The following HOXB8 variants were observed in gnomAD, a reference collection of about 807,000 sequenced individuals.
The protein encoded by HOXB8 is homeobox protein Hox-B8.
In HOXB8, 17 loss-of-function variants were observed where a neutral mutation model predicts 22.2. The observed-to-expected ratio is 0.77, with a 90% confidence interval of 0.53 to 1.15. The LOEUF (loss-of-function observed/expected upper bound fraction) is 1.15. HOXB8 is among the 50% of genes most tolerant of loss of function. The pLI, the probability that HOXB8 is intolerant of heterozygous loss-of-function variation, is 0.00. For synonymous variants in HOXB8, 156 were observed against 144.6 expected, an observed-to-expected ratio of 1.08 and a Z score of -0.57; for missense variants, 287 against 323.8, an observed-to-expected ratio of 0.89 and a Z score of 0.87.
Position 48,614,119 on chromosome 17 carries a change from AAAG to A in HOXB8, c.424+159_424+161del, listed in dbSNP as rs1313790032. On this transcript the variant is annotated intron_variant, in intron 1 of 1. Coordinates refer to ENST00000239144, the MANE Select transcript of HOXB8 (RefSeq NM_024016.4). This position sits in a 1 kb window ranked among gnomAD's most constrained non-coding sequence, Gnocchi z 4.1. ...AGCGACCCCCTTCAAGGGAAAGAAA[AAAG>A]AAAGAAGAAAGAAAGATAAGAAAGA... is the stretch of plus-strand genomic sequence containing the variant. Among the ~76,000 whole-genome samples the A allele has an allele frequency of 1.3e-5, 2 of 152,206 alleles. No individual in the cohort carries two copies. The highest frequency in any genetic ancestry group is 3.8e-4 in the East Asian group (2 of 5,196).
Position 48,614,271 on chromosome 17 carries a change from G to A in HOXB8, c.424+10C>T, listed in dbSNP as rs781223185. 8 of 1,490,044 alleles carry A rather than the reference G, an allele frequency of 5.4e-6. No individual in the cohort carries two copies. The highest frequency in any genetic ancestry group is 1.4e-5 in the African/African-American group (1 of 71,228). The allele number at this position is 1,490,044 out of a possible 1,614,324, so 92.3% of individuals were successfully genotyped here. On this transcript the variant is annotated intron_variant, in intron 1 of 1. Coordinates refer to ENST00000239144, the MANE Select transcript of HOXB8 (RefSeq NM_024016.4). This position sits in a 1 kb window ranked among gnomAD's most constrained non-coding sequence, Gnocchi z 4.1. ...CCCTCCTGCCCTTGTCGGCCCCGAG[G>A]CGAGCTCACCTTGCGGGCGCATCCA...
Position 48,613,255 on chromosome 17 carries a change from G to C in HOXB8, c.679C>G (p.Arg227Gly), listed in dbSNP as rs373819933. Residue 227 changes from arginine (R) to glycine (G), a missense_variant, in exon 2 of 2, where the codon CGG becomes GGG. Transcript: ENST00000239144. The stretch of plus-strand genomic sequence containing the variant: ...CCCTCGTCCGCCGCCTCTGGGGCCC[G>C]CTCCAGCTTCTGTTTCTCCAGCTCC... ...QEELEKQKLE[R>G]APEAADEGDA... The C allele has an allele frequency of 6.2e-7, 1 of 1,613,568 alleles. No individual in the cohort carries two copies. Among genetic ancestry groups the C allele is most frequent in the Non-Finnish European group, 8.5e-7 (1 of 1,179,684 alleles).
intron 1 of HOXB8, 133 bp from the exon 2 acceptor site, chr17:48,613,642 G>A (rs1254195810): frequency 1.7e-6 from 1 of 574,730 alleles, no homozygotes; most frequent in Non-Finnish European, 2.8e-6. Context: ...TCTACCCCGT[G>A]CGGGGGCGGG....
In HOXB8 at chr17:48,612,504, T is replaced by C. The variant is rs967456239; in HGVS notation, c.*698A>G. The C allele has an allele frequency of 3.4e-5, 5 of 148,040 alleles. No homozygotes were observed. The highest frequency in any genetic ancestry group is 2.0e-4 in the Admixed American group (3 of 14,920). The allele number at this position is 148,040 out of a possible 1,614,324, so 9.2% of individuals were successfully genotyped here. On this transcript the variant is annotated 3_prime_UTR_variant, in exon 2 of 2. Coordinates refer to ENST00000239144, the MANE Select transcript of HOXB8 (RefSeq NM_024016.4). ...GAATACATTCTCTTCACAGTAAACC[T>C]AAGAACACTTGTAACAATTGCCCAC...
Position 48,613,497 on chromosome 17 carries a change from C to G in HOXB8, c.437G>C (p.Arg146Pro), listed in dbSNP as rs1489129287. Residue 146 changes from arginine (R) to proline (P), a missense_variant, in exon 2 of 2, where the codon CGC becomes CCC. Around this residue, in one of 3 missense-constraint regions of HOXB8, gnomAD observed 229 missense variants for 239.8 expected, o/e 0.95. Transcript: ENST00000239144. ...PWMRPQAAAGRRRGRQTYSRY... is the reference protein window; with the variant it reads ...PWMRPQAAAGPRRGRQTYSRY... ...GCTGTAGGTCTGTCGGCCTCGCCTG[C>G]GTCCGGCGGCTGCTGGGAATGGGGG... is the stretch of plus-strand genomic sequence containing the variant. 2 of 1,303,720 alleles carry G rather than the reference C, an allele frequency of 1.5e-6. No homozygotes were observed. Among genetic ancestry groups the G allele is most frequent in the Non-Finnish European group, 2.0e-6 (2 of 986,206 alleles). 80.8% of individuals were successfully genotyped at this position (1,303,720 alleles called of 1,614,324 possible).
rs140231017 is a variant in HOXB8 at position 48,612,725 on chromosome 17, C to CGA, written c.*475_*476dup. 0.16 allele frequency: 23,648 copies of CGA among 144,600 alleles called. 1,984 individuals carry two copies. The highest frequency in any genetic ancestry group is 0.24 in the East Asian group (1,201 of 5,042). The allele number at this position is 144,600 out of a possible 1,614,324, so 9.0% of individuals were successfully genotyped here. On this transcript the variant is annotated 3_prime_UTR_variant, in exon 2 of 2. Coordinates refer to ENST00000239144, the MANE Select transcript of HOXB8 (RefSeq NM_024016.4). ...GAGAGCGAGAGCGAGAGCGAGCGAGCGAGAGAGAGAGAGAGAAGGGAGACA... is the reference window on the plus strand; with the variant it reads ...GAGAGCGAGAGCGAGAGCGAGCGAGCGAGAGAGAGAGAGAGAGAAGGGAGACA...
Position 48,612,993 on chromosome 17 carries a change from A to C in HOXB8, c.*209T>G. ...TCCCCCCGGCCCCCAAGAGAAGGGA[A>C]GGAGATCCACGGTAGCTCACACACA... is the stretch of plus-strand genomic sequence containing the variant. On this transcript the variant is annotated 3_prime_UTR_variant, in exon 2 of 2. Transcript: ENST00000239144. The C allele has an allele frequency of 1.4e-5, 3 of 210,880 alleles. No homozygotes were observed. The highest frequency in any genetic ancestry group is 2.8e-5 in the Non-Finnish European group (3 of 108,706). 13.1% of individuals were successfully genotyped at this position (210,880 alleles called of 1,614,324 possible).
rs1372651981 is a variant in HOXB8, at chr17:48,614,737, A to T, written c.-33T>A. The T allele has an allele frequency of 4.1e-6, 2 of 488,252 alleles. No homozygotes were observed. The highest frequency in any genetic ancestry group is 4.9e-6 in the Non-Finnish European group (2 of 410,132). 30.2% of individuals were successfully genotyped at this position (488,252 alleles called of 1,614,324 possible). ...AATTTTGAGGCGGCGGCGGCGGCGG[A>T]GGCTATAGTTGGGGGCTGTTGGGGA... On this transcript the variant is annotated 5_prime_UTR_variant, in exon 1 of 2. Coordinates refer to ENST00000239144, the MANE Select transcript of HOXB8 (RefSeq NM_024016.4). This position sits in a 1 kb window ranked among gnomAD's most constrained non-coding sequence, Gnocchi z 4.1.
At position 48,613,277 on chromosome 17, in the gene HOXB8, C is replaced by A. The variant is rs1255603602; in HGVS notation, c.657G>T (p.Glu219Asp). 1.2e-6 allele frequency: 2 copies of A among 1,614,042 alleles called. No individual in the cohort carries two copies. Among genetic ancestry groups the A allele is most frequent in the Non-Finnish European group, 8.5e-7 (1 of 1,179,948 alleles). The change falls in exon 2 of 2, where the codon GAG becomes GAT. Residue 219 changes from glutamate (E) to aspartate (D), a missense_variant. Physicochemically the swap from Glu to Asp is conservative, Grantham distance 45 (BLOSUM62 2). Around this residue, in one of 3 missense-constraint regions of HOXB8, gnomAD observed 52 missense variants for 54.8 expected, o/e 0.95. Coordinates refer to ENST00000239144, the MANE Select transcript of HOXB8 (RefSeq NM_024016.4). ...KFPSSKCEQE[E>D]LEKQKLERAP... ...CCCGCTCCAGCTTCTGTTTCTCCAG[C>A]TCCTCCTGCTCGCATTTGCTGCTGG...
At position 48,613,226 on chromosome 17, in the gene HOXB8, G is replaced by T. The variant is rs1456373512; in HGVS notation, c.708C>A (p.Asp236Glu). The T allele has an allele frequency of 1.9e-6, 3 of 1,611,562 alleles. No individual in the cohort carries two copies. The change falls in exon 2 of 2, where the codon GAC becomes GAA. Residue 236 changes from aspartate to glutamate, a missense_variant. Physicochemically the swap from Asp to Glu is conservative, Grantham distance 45. Around this residue, in one of 3 missense-constraint regions of HOXB8, gnomAD observed 52 missense variants for 54.8 expected, o/e 0.95. Transcript: ENST00000239144. Reference sequence around the variant, plus strand: ...CCTACTTCTTGTCGCCCTTCTGCGCGTCGCCCTCGTCCGCCGCCTCTGGGG... The same window carrying T: ...CCTACTTCTTGTCGCCCTTCTGCGCTTCGCCCTCGTCCGCCGCCTCTGGGG... ...ERAPEAADEG[D>E]AQKGDKK
rs866955706 is a variant in HOXB8 at position 48,614,386 on chromosome 17, A to T, written c.319T>A (p.Tyr107Asn). ...FGAQDPDLVQYADCKLAAASG... is the reference protein window; with the variant it reads ...FGAQDPDLVQNADCKLAAASG... ...GCGGCGGCAAGCTTGCAGTCTGCGT[A>T]CTGCACCAGGTCTGGATCCTGCGCA... The change falls in exon 1 of 2, where the codon TAC becomes AAC. Residue 107 changes from tyrosine (Y) to asparagine (N), a missense_variant. Physicochemically the swap from Tyr to Asn is moderately radical, Grantham distance 143. This residue lies in a region of HOXB8 where 229 missense variants were observed against 239.8 expected (regional missense o/e 0.95). Transcript: ENST00000239144. The surrounding 1 kb of genome is among the most constrained non-coding windows in gnomAD (Gnocchi z 4.1). 6.2e-7 allele frequency: 1 copy of T among 1,612,328 alleles called. No homozygotes were observed. The highest frequency in any genetic ancestry group is 1.7e-4 in the Middle Eastern group (1 of 6,056).
chr17:48,614,283 T>G lies in HOXB8; in HGVS notation c.422A>C (p.Gln141Pro), dbSNP rs992702927. ...PTQLFPWMRP[Q>P]AAAGRRRGRQ... Reference sequence around the variant, plus strand: ...TGTCGGCCCCGAGGCGAGCTCACCTTGCGGGCGCATCCAGGGGAAGAGCTG... The same window carrying G: ...TGTCGGCCCCGAGGCGAGCTCACCTGGCGGGCGCATCCAGGGGAAGAGCTG... The change falls in exon 1 of 2, where the codon CAA becomes CCA. Residue 141 changes from glutamine (Q) to proline (P), a missense_variant and splice_region_variant. This residue lies in a region of HOXB8 where 229 missense variants were observed against 239.8 expected (regional missense o/e 0.95). Transcript: ENST00000239144. This position sits in a 1 kb window ranked among gnomAD's most constrained non-coding sequence, Gnocchi z 4.1. The G allele has an allele frequency of 3.3e-6, 5 of 1,507,772 alleles. No homozygotes were observed. The highest frequency in any genetic ancestry group is 1.3e-5 in the South Asian group (1 of 75,318). 93.4% of individuals were successfully genotyped at this position (1,507,772 alleles called of 1,614,324 possible).
chr17:48,613,800 G>A (rs750780512), intron 1 of HOXB8, among the ~76,000 whole-genome samples: 8 of 152,072 alleles, frequency 5.3e-5, no homozygotes, highest in Non-Finnish European at 8.8e-5. Context: ...TATTAGAAGT[G>A]CCATAAACTT....
rs2070706037 is a variant in HOXB8, at chr17:48,614,814, C to T, written c.-110G>A. On this transcript the variant is annotated 5_prime_UTR_variant, in exon 1 of 2. Coordinates refer to ENST00000239144, the MANE Select transcript of HOXB8 (RefSeq NM_024016.4). The surrounding 1 kb of genome is among the most constrained non-coding windows in gnomAD (Gnocchi z 4.1). ...AGAGAGAGAAAAAAACGCGGATTCGCCGGCTCCTAGTCACCCTCGCCAGGA... is the reference window on the plus strand; with the variant it reads ...AGAGAGAGAAAAAAACGCGGATTCGTCGGCTCCTAGTCACCCTCGCCAGGA... 3.4e-6 allele frequency: 3 copies of T among 890,672 alleles called. No homozygotes were observed. The highest frequency in any genetic ancestry group is 3.3e-5 in the Admixed American group (1 of 30,216). 55.2% of individuals were successfully genotyped at this position (890,672 alleles called of 1,614,324 possible).
chr17:48,614,668 A>G lies in HOXB8; in HGVS notation c.37T>C (p.Tyr13His). ...SYFVNSLFSKYKTGESLRPNY... is the reference protein window; with the variant it reads ...SYFVNSLFSKHKTGESLRPNY... ...GGGCGCAGGGACTCCCCGGTTTTGT[A>G]TTTGGAGAACAGTGAGTTGACGAAA... Residue 13 changes from tyrosine to histidine, a missense_variant, in exon 1 of 2, where the codon TAC becomes CAC. Tyr to His is a moderately conservative substitution (Grantham distance 83). This residue lies in a region of HOXB8 where 229 missense variants were observed against 239.8 expected (regional missense o/e 0.95). Transcript: ENST00000239144. The surrounding 1 kb of genome is among the most constrained non-coding windows in gnomAD (Gnocchi z 4.1). 1 of 1,501,766 alleles carries G rather than the reference A, an allele frequency of 6.7e-7. No individual in the cohort carries two copies. Among genetic ancestry groups the G allele is most frequent in the Non-Finnish European group, 9.0e-7 (1 of 1,113,448 alleles). 93.0% of individuals were successfully genotyped at this position (1,501,766 alleles called of 1,614,324 possible). A position where few individuals can be genotyped will look rare whatever the true frequency, so the allele number is the denominator to read the frequency against.
At position 48,613,468 on chromosome 17, in the gene HOXB8, A is replaced by G; in HGVS notation, c.466T>C (p.Tyr156His). 1 of 1,408,256 alleles carries G rather than the reference A, an allele frequency of 7.1e-7. No homozygotes were observed. The highest frequency in any genetic ancestry group is 9.5e-7 in the Non-Finnish European group (1 of 1,051,304). 87.2% of individuals were successfully genotyped at this position (1,408,256 alleles called of 1,614,324 possible). The change falls in exon 2 of 2, where the codon TAC becomes CAC. Residue 156 changes from tyrosine to histidine, a missense_variant. Physicochemically the swap from Tyr to His is moderately conservative, Grantham distance 83. Coordinates refer to ENST00000239144, the MANE Select transcript of HOXB8 (RefSeq NM_024016.4). ...TCCTTCTCCAGCTCCAGGGTCTGGTAGCGGCTGTAGGTCTGTCGGCCTCGC... is the reference window on the plus strand; with the variant it reads ...TCCTTCTCCAGCTCCAGGGTCTGGTGGCGGCTGTAGGTCTGTCGGCCTCGC... ...RRRGRQTYSR[Y>H]QTLELEKEFL... is the part of the protein sequence containing the mutation.
In HOXB8 at chr17:48,613,225, C is replaced by G; in HGVS notation, c.709G>C (p.Ala237Pro). 6.2e-7 allele frequency: 1 copy of G among 1,611,764 alleles called. No homozygotes were observed. The highest frequency in any genetic ancestry group is 8.5e-7 in the Non-Finnish European group (1 of 1,178,690). Residue 237 changes from alanine (A) to proline (P), a missense_variant, in exon 2 of 2, where the codon GCG (alanine) becomes CCG (proline). By Grantham distance (27) the Ala-to-Pro change is conservative (BLOSUM62 -1). Transcript: ENST00000239144. Reference protein sequence around the residue: ...RAPEAADEGDAQKGDKK With the variant: ...RAPEAADEGDPQKGDKK ...GCCTACTTCTTGTCGCCCTTCTGCG[C>G]GTCGCCCTCGTCCGCCGCCTCTGGG...
chr17:48,614,881 A>C lies in HOXB8; in HGVS notation c.-177T>G. 3.6e-6 allele frequency: 2 copies of C among 555,276 alleles called. No homozygotes were observed. Among genetic ancestry groups the C allele is most frequent in the Non-Finnish European group, 3.1e-6 (1 of 323,430 alleles). The allele number at this position is 555,276 out of a possible 1,614,324, so 34.4% of individuals were successfully genotyped here. On this transcript the variant is annotated 5_prime_UTR_variant, in exon 1 of 2. Transcript: ENST00000239144. This position sits in a 1 kb window ranked among gnomAD's most constrained non-coding sequence, Gnocchi z 4.1. ...AGGAGGGAAAAAAAGAAAAGAAAGA[A>C]AAGGCGAAGAAGATCTCGAAGCCGA...
In HOXB8 at chr17:48,613,159, C is replaced by A; in HGVS notation, c.*43G>T. On this transcript the variant is annotated 3_prime_UTR_variant, in exon 2 of 2. Transcript: ENST00000239144. ...GCGGCGGCGGCGCGGCCGGGACCCG[C>A]GGACGTGCGGGCGGCCGCGGCCCTG... is the stretch of plus-strand genomic sequence containing the variant. 7.6e-7 allele frequency: 1 copy of A among 1,317,666 alleles called. No homozygotes were observed. Among genetic ancestry groups the A allele is most frequent in the Non-Finnish European group, 9.7e-7 (1 of 1,030,270 alleles). The allele number at this position is 1,317,666 out of a possible 1,614,324, so 81.6% of individuals were successfully genotyped here. A position where few individuals can be genotyped will look rare whatever the true frequency, so the allele number is the denominator to read the frequency against.
Sources: allele counts gnomAD v4.1 joint callset (sites outside exome capture counted in the v4.1 genomes callset), GRCh38; gene constraint gnomAD v4.1.1; regional missense constraint gnomAD v4.1.1; non-coding constraint Gnocchi (gnomAD v3.1); transcripts MANE v1.5; gene names NCBI Gene and HGNC (gene_info 2026-07-23, HGNC 2026-07-21).